Variants in EIF2B3 observed in about 807,000 individuals in gnomAD.
EIF2B3 encodes the protein translation initiation factor eIF2B subunit gamma.
In EIF2B3, 20 loss-of-function variants were observed where a neutral mutation model predicts 54.1. That is an observed-to-expected ratio of 0.37 (90% CI 0.26 to 0.54). EIF2B3 has a LOEUF of 0.54. Among genes scored for constraint, EIF2B3 ranks in the 20% least tolerant of loss-of-function variants. The pLI is 0.86. For missense variants in EIF2B3, 448 were observed against 547.8 expected, an observed-to-expected ratio of 0.82 and a Z score of 1.82; for synonymous variants, 153 against 188.1, an observed-to-expected ratio of 0.81 and a Z score of 1.52.
At position 44,857,731 on chromosome 1, in the gene EIF2B3, C is replaced by T. The variant is rs772495393; in HGVS notation, c.1279G>A (p.Gly427Arg). The part of the protein sequence containing the change: ...KGADIKDCLI[G>R]SGQRIEAKAK... The stretch of plus-strand genomic sequence containing the variant: ...TTGGCTTCAATCCTCTGGCCACTTC[C>T]AATCAAGCAGTCCTTGATGTCTGCA... Residue 427 changes from glycine to arginine, a missense_variant, in exon 11 of 12, where the codon GGA becomes AGA. Coordinates refer to ENST00000360403, the MANE Select transcript of EIF2B3 (RefSeq NM_020365.5). 3 of 1,614,174 alleles carry T rather than the reference C, an allele frequency of 1.9e-6. No homozygotes were observed. Among genetic ancestry groups the T allele is most frequent in the Non-Finnish European group, 2.5e-6 (3 of 1,180,006 alleles).
chr1:44,924,944 G>T (rs1284808748), intron 5 of EIF2B3: 1 of 152,120 alleles, frequency 6.6e-6, no homozygotes, highest in Non-Finnish European at 1.5e-5. Flanking sequence ...GCTTACTCAT[G>T]CTTGAGTCAT....
At chr1:44,882,265 G>A (rs1655424563) in intron 6 of EIF2B3, among the ~76,000 whole-genome samples, 1 of 152,178 alleles carries the variant, frequency 6.6e-6, no homozygotes, top group South Asian at 2.1e-4. Context: ...AATCAGGTAG[G>A]CAAGGGGGCC....
At chr1:44,860,152 G>C (rs1654564635) in intron 10 of EIF2B3, among the ~76,000 whole-genome samples, 1 of 149,864 alleles carries the variant, frequency 6.7e-6, no homozygotes, top group Admixed American at 6.7e-5. Flanking sequence ...CACAAATCTA[G>C]TAATTTCTTT....
intron 3 of EIF2B3, among the ~76,000 whole-genome samples, chr1:44,956,430 G>C (rs186454679): frequency 7.2e-4 from 110 of 152,038 alleles, no homozygotes; most frequent in African/African-American, 2.6e-3. Context: ...GGGCTGATGG[G>C]TGCAGCAAAC....
At chr1:44,932,740 C>T (rs1643908520) in intron 4 of EIF2B3, among the ~76,000 whole-genome samples, 1 of 112,964 alleles carries the variant, frequency 8.9e-6, no homozygotes, top group African/African-American at 2.8e-5. Flanking sequence ...GACAGTAAAA[C>T]AAAACAAAAC....
chr1:44,912,705 C>G (rs1317495693), intron 5 of EIF2B3, among the ~76,000 whole-genome samples: 7 of 152,164 alleles, frequency 4.6e-5, no homozygotes, highest in Non-Finnish European at 7.3e-5. Context: ...GGATTAGATA[C>G]CTCCTTTGAA....
At chr1:44,946,121 T>A (rs1408139242) in intron 3 of EIF2B3, among the ~76,000 whole-genome samples, 1 of 152,244 alleles carries the variant, frequency 6.6e-6, no homozygotes, top group Non-Finnish European at 1.5e-5. Context: ...CTAAACTGAA[T>A]GCAAAATCCC....
Position 44,977,948 on chromosome 1 carries a change from ATGCACTGGGGGCCAGGCGTGATGGC to A in EIF2B3, c.294+342_294+366del, listed in dbSNP as rs544836080. Among the ~76,000 whole-genome samples the A allele has an allele frequency of 1.8e-4, 27 of 152,370 alleles. No homozygotes were observed. The East Asian group carries it at 4.0e-3, about 23-fold the overall frequency. ...CAGAAATAAAGTTTTGTAAACTATA[ATGCACTGGGGGCCAGGCGTGATGGC>A]TCACGCCTGTAATCCCAGCACTTTG... On this transcript the variant is annotated intron_variant, in intron 3 of 11. Coordinates refer to ENST00000360403, the MANE Select transcript of EIF2B3 (RefSeq NM_020365.5).
chr1:44,919,117 G>A (rs1004070273), intron 5 of EIF2B3, among the ~76,000 whole-genome samples: 1 of 152,290 alleles, frequency 6.6e-6, no homozygotes, highest in East Asian at 1.9e-4. Flanking sequence ...GGAGGCTGAG[G>A]TGGGTGGATC....
At position 44,884,129 on chromosome 1, in the gene EIF2B3, G is replaced by A. The variant is rs181326914; in HGVS notation, c.657-2390C>T. On this transcript the variant is annotated intron_variant, in intron 6 of 11. Coordinates refer to ENST00000360403, the MANE Select transcript of EIF2B3 (RefSeq NM_020365.5). The stretch of plus-strand genomic sequence containing the variant: ...GCCGGGATTACAGGTGTGAGCCACC[G>A]CACCTGGCTGCCAGTGGTAGTTTTT... Among the ~76,000 whole-genome samples, 46 of 152,262 alleles carry A rather than the reference G, an allele frequency of 3.0e-4. No individual in the cohort carries two copies. In the East Asian group the frequency reaches 7.7e-3, roughly 26 times the overall value.
chr1:44,951,317 T>C (rs1007832347), intron 3 of EIF2B3, among the ~76,000 whole-genome samples: 2 of 152,154 alleles, frequency 1.3e-5, no homozygotes, highest in Non-Finnish European at 2.9e-5. Flanking sequence ...CTCAAAAAGC[T>C]TACATCCTAT....
chr1:44,967,050 G>A (rs915821662), intron 3 of EIF2B3, among the ~76,000 whole-genome samples: 2 of 151,682 alleles, frequency 1.3e-5, no homozygotes, highest in East Asian at 2.0e-4. Flanking sequence ...TCTTGACCTC[G>A]TGATCTGCCT....
At chr1:44,876,684 T>C in intron 8 of EIF2B3, among the ~76,000 whole-genome samples, 1 of 131,984 alleles carries the variant, frequency 7.6e-6, no homozygotes, top group African/African-American at 3.0e-5. Flanking sequence ...CACGACCCCC[T>C]CTGGGAGGTG....
At chr1:44,852,207 G>A (rs1355303675) in intron 11 of EIF2B3, among the ~76,000 whole-genome samples, 1 of 146,872 alleles carries the variant, frequency 6.8e-6, no homozygotes, top group Non-Finnish European at 1.5e-5. Context: ...CAAGTGATCT[G>A]CCCTGCCTTG....
chr1:44,949,492 CTT>C (rs1040352467), intron 3 of EIF2B3, among the ~76,000 whole-genome samples: 13 of 152,274 alleles, frequency 8.5e-5, no homozygotes, highest in Admixed American at 7.2e-4. Flanking sequence ...ATCTCCTTCT[CTT>C]TGTTTAATTT....
chr1:44,882,928 C>CTTTTTTTTT (rs1003449669), intron 6 of EIF2B3, among the ~76,000 whole-genome samples: 11 of 114,448 alleles, frequency 9.6e-5, no homozygotes, highest in Admixed American at 1.8e-4. Flanking sequence ...TTTTCTTTTT[C>CTTTTTTTTT]TTTTTTTTTT....
At position 44,922,358 on chromosome 1, in the gene EIF2B3, G is replaced by A. The variant is rs182619474; in HGVS notation, c.566+4270C>T. Among the ~76,000 whole-genome samples, 23 of 151,414 alleles carry A rather than the reference G, an allele frequency of 1.5e-4. No homozygotes were observed. In the East Asian group the frequency reaches 3.2e-3, roughly 21 times the overall value. On this transcript the variant is annotated intron_variant, in intron 5 of 11. Transcript: ENST00000360403. ...TCTCAGCACTTTGGGAGGCCGAGGC[G>A]GGAGGGTCACCTGAGGTCAGGAGTT...
chr1:44,897,558 T>C (rs561083438), intron 5 of EIF2B3, 114 bp from the exon 6 acceptor site: 1 of 814,404 alleles, frequency 1.2e-6, no homozygotes, highest in African/African-American at 1.7e-5. Context: ...GTCAGAGGCA[T>C]GCTGCCTACA....
intron 3 of EIF2B3, among the ~76,000 whole-genome samples, chr1:44,954,133 T>C (rs951571863): frequency 1.3e-5 from 2 of 152,206 alleles, no homozygotes; most frequent in Admixed American, 6.5e-5. Context: ...TAGTTCTTCA[T>C]ATCTATGCAG....
Sources: allele counts gnomAD v4.1 joint callset (sites outside exome capture counted in the v4.1 genomes callset), GRCh38; gene constraint gnomAD v4.1.1; transcripts MANE v1.5; gene names NCBI Gene and HGNC (gene_info 2026-07-23, HGNC 2026-07-21).